The following GREM2 variants were observed in gnomAD, a reference collection of about 807,000 sequenced individuals.
The protein encoded by GREM2 is gremlin 2, DAN family BMP antagonist.
A neutral mutation model predicts 14.2 loss-of-function variants in GREM2; 11 were observed. That is an observed-to-expected ratio of 0.78 (90% CI 0.49 to 1.28). GREM2 has a LOEUF of 1.28. Ranked by LOEUF, GREM2 falls within the 50% of genes most tolerant of loss-of-function variation. The pLI is 0.00. For missense variants in GREM2, 210 were observed against 218.5 expected, an observed-to-expected ratio of 0.96 and a Z score of 0.24; for synonymous variants, 98 against 97.6, an observed-to-expected ratio of 1.00 and a Z score of -0.02.
chr1:240,596,859 C>T (rs1276836276), intron 1 of GREM2, among the ~76,000 whole-genome samples: 2 of 152,146 alleles, frequency 1.3e-5, no homozygotes, highest in Admixed American at 6.6e-5. Flanking sequence ...GAAAAACAAA[C>T]ATTTGGTTAT....
intron 1 of GREM2, among the ~76,000 whole-genome samples, chr1:240,579,068 G>A (rs961787979): frequency 1.3e-5 from 2 of 152,120 alleles, no homozygotes; most frequent in African/African-American, 4.8e-5. Flanking sequence ...TCATTGTCAG[G>A]TCATTCTCCT....
At chr1:240,544,013 A>G (rs191858061) in intron 1 of GREM2, among the ~76,000 whole-genome samples, 1 of 152,324 alleles carries the variant, frequency 6.6e-6, no homozygotes, top group African/African-American at 2.4e-5. Flanking sequence ...CAAAACTTGA[A>G]TTTGCTGTGC....
At chr1:240,568,670 G>A (rs950979059) in intron 1 of GREM2, among the ~76,000 whole-genome samples, 3 of 152,160 alleles carry the variant, frequency 2.0e-5, no homozygotes, top group South Asian at 2.1e-4. Flanking sequence ...AACTAGAGAG[G>A]CACCTAGCCT....
At chr1:240,588,117 GT>G (rs773183821) in intron 1 of GREM2, among the ~76,000 whole-genome samples, 3 of 152,290 alleles carry the variant, frequency 2.0e-5, no homozygotes, top group Admixed American at 1.3e-4. Context: ...AAATATCTTG[GT>G]TTTTGTTACC....
At chr1:240,498,594 G>T (rs558714219) in intron 1 of GREM2, among the ~76,000 whole-genome samples, 12 of 152,288 alleles carry the variant, frequency 7.9e-5, no homozygotes, top group African/African-American at 2.9e-4. Flanking sequence ...TCTCTTGCTT[G>T]CCTCTGTCCG....
At chr1:240,519,008 C>G (rs1678014618) in intron 1 of GREM2, among the ~76,000 whole-genome samples, 1 of 152,116 alleles carries the variant, frequency 6.6e-6, no homozygotes, top group African/African-American at 2.4e-5. Context: ...GGAACTGATT[C>G]ATTACACACA....
chr1:240,493,652 T>A (rs781085001), intron 1 of GREM2, among the ~76,000 whole-genome samples, 176 bp from the exon 2 acceptor site: 44 of 152,048 alleles, frequency 2.9e-4, no homozygotes, highest in Non-Finnish European at 4.9e-4. Context: ...CAGCCTCCTG[T>A]GTGGCTAGAA....
At chr1:240,605,558 A>C (rs1680009644) in intron 1 of GREM2, among the ~76,000 whole-genome samples, 1 of 152,092 alleles carries the variant, frequency 6.6e-6, no homozygotes, top group Non-Finnish European at 1.5e-5. Flanking sequence ...TTAAAAATCT[A>C]ACCTCTGAAA....
At chr1:240,574,598 C>T (rs530006094) in intron 1 of GREM2, among the ~76,000 whole-genome samples, 1 of 152,138 alleles carries the variant, frequency 6.6e-6, no homozygotes, top group South Asian at 2.1e-4. Context: ...TAAAGGAGCT[C>T]TTGGTAATTA....
intron 1 of GREM2, among the ~76,000 whole-genome samples, chr1:240,497,420 G>A (rs1471733825): frequency 6.6e-6 from 1 of 151,942 alleles, no homozygotes; most frequent in South Asian, 2.1e-4. Context: ...CCCAATTCTG[G>A]TGGGATCCAA....
intron 1 of GREM2, among the ~76,000 whole-genome samples, chr1:240,562,650 A>G (rs1291760740): frequency 3.3e-5 from 5 of 152,240 alleles, no homozygotes; most frequent in Admixed American, 2.6e-4. Flanking sequence ...ATTATATTTG[A>G]CATAGGCTTT....
rs182978203 is a variant in GREM2 at position 240,504,133 on chromosome 1, T to A, written c.-1-10657A>T. 4.3e-3 allele frequency among the ~76,000 whole-genome samples: 648 copies of A among 152,284 alleles called. 5 individuals are homozygous for A. Among genetic ancestry groups the A allele is most frequent in the African/African-American group, 0.015 (617 of 41,566 alleles). On this transcript the variant is annotated intron_variant, in intron 1 of 1. Coordinates refer to ENST00000318160, the MANE Select transcript of GREM2 (RefSeq NM_022469.4). ...TTTAATCACAATAATTTAATGCCTATCTAGCTATCAAAATCAGAAGTGAAC... is the reference window on the plus strand; with the variant it reads ...TTTAATCACAATAATTTAATGCCTAACTAGCTATCAAAATCAGAAGTGAAC...
intron 1 of GREM2, among the ~76,000 whole-genome samples, chr1:240,522,233 A>G (rs1678118398): frequency 6.6e-6 from 1 of 152,212 alleles, no homozygotes; most frequent in African/African-American, 2.4e-5. Context: ...TTATACTGAA[A>G]TGAAAGAGCA....
rs1678561318 is a variant in GREM2 at position 240,540,485 on chromosome 1, T to C, written c.-1-47009A>G. On this transcript the variant is annotated intron_variant, in intron 1 of 1. Coordinates refer to ENST00000318160, the MANE Select transcript of GREM2 (RefSeq NM_022469.4). The surrounding 1 kb of genome is among the most constrained non-coding windows in gnomAD (Gnocchi z 4.2). ...ATTGATTTAAAACTGAACTGAGAGA[T>C]TGTGTTCTAGTAAGACTGGAATCAC... 6.6e-6 allele frequency among the ~76,000 whole-genome samples: 1 copy of C among 152,084 alleles called. No homozygotes were observed. Among genetic ancestry groups the C allele is most frequent in the African/African-American group, 2.4e-5 (1 of 41,412 alleles).
chr1:240,521,328 G>A (rs1472574078), intron 1 of GREM2, among the ~76,000 whole-genome samples: 1 of 152,142 alleles, frequency 6.6e-6, no homozygotes. Flanking sequence ...CAGCACTTTA[G>A]CAGGCCGAAG....
intron 1 of GREM2, among the ~76,000 whole-genome samples, chr1:240,497,776 G>A (rs929310200): frequency 4.6e-5 from 7 of 151,786 alleles, no homozygotes; most frequent in Admixed American, 2.0e-4. Flanking sequence ...AAATGGCCAC[G>A]CTTCCAGCTG....
At chr1:240,503,240 T>C (rs1454235151) in intron 1 of GREM2, among the ~76,000 whole-genome samples, 2 of 152,240 alleles carry the variant, frequency 1.3e-5, no homozygotes, top group African/African-American at 4.8e-5. Flanking sequence ...TTTGCACAGC[T>C]ACTGGAGAGT....
At chr1:240,502,569 A>T (rs1677593395) in intron 1 of GREM2, among the ~76,000 whole-genome samples, 1 of 152,122 alleles carries the variant, frequency 6.6e-6, no homozygotes, top group Non-Finnish European at 1.5e-5. Flanking sequence ...CCTCTACTCA[A>T]CTGCCTATCA....
chr1:240,505,884 C>G (rs1250151083), intron 1 of GREM2, among the ~76,000 whole-genome samples: 1 of 151,780 alleles, frequency 6.6e-6, no homozygotes, highest in Non-Finnish European at 1.5e-5. Context: ...AGTATTTCTA[C>G]ATGTATTTTT....
Sources: gnomAD v4.1 joint callset for allele counts (sites outside exome capture counted in the v4.1 genomes callset) on GRCh38, gnomAD v4.1.1 for gene constraint, Gnocchi (gnomAD v3.1) non-coding constraint, MANE v1.5 for transcripts, NCBI Gene and HGNC (gene_info 2026-07-23, HGNC 2026-07-21) for gene names.